The following NALF1 variants were observed in gnomAD, a reference collection of about 807,000 sequenced individuals.
NALF1 encodes family with sequence similarity 155 member A.
Under a neutral mutation model 48.4 loss-of-function variants are expected in NALF1, and 3 were observed. The ratio of observed to expected loss-of-function variants is 0.06; its 90% CI spans 0.03 to 0.16. The LOEUF (loss-of-function observed/expected upper bound fraction) is 0.16, where lower values mean the gene tolerates loss of function less well. Ranked by LOEUF, NALF1 falls within the 10% of genes least tolerant of loss-of-function variation. The pLI, the probability that NALF1 is intolerant of heterozygous loss-of-function variation, is 1.00. For missense variants in NALF1, 526 were observed against 571.5 expected (o/e 0.92, Z 0.81); for synonymous variants, 262 against 245.7 (o/e 1.07, Z -0.62).
chr13:107,807,263 A>C (rs1440905770), intron 1 of NALF1, among the ~76,000 whole-genome samples: 1 of 152,212 alleles, frequency 6.6e-6, no homozygotes, highest in Non-Finnish European at 1.5e-5. Context: ...TGCACAACTA[A>C]ATACCAACTA....
chr13:107,234,093 A>G (rs1182933870), intron 1 of NALF1, among the ~76,000 whole-genome samples: 3 of 152,210 alleles, frequency 2.0e-5, no homozygotes, highest in Non-Finnish European at 4.4e-5. Context: ...TTCGAATGAG[A>G]AATTAAATAC....
chr13:107,201,519 G>A (rs1295608470), intron 2 of NALF1, among the ~76,000 whole-genome samples: 2 of 152,142 alleles, frequency 1.3e-5, no homozygotes, highest in Non-Finnish European at 2.9e-5. Context: ...GGAGCTTCCA[G>A]TGAGTCGAGA....
chr13:107,555,315 C>A (rs1357988682), intron 1 of NALF1, among the ~76,000 whole-genome samples: 1 of 151,648 alleles, frequency 6.6e-6, no homozygotes, highest in African/African-American at 2.4e-5. Context: ...TCTTGTTGCC[C>A]AGGCTGGACT....
At chr13:107,212,383 A>G (rs1278700092) in intron 1 of NALF1, among the ~76,000 whole-genome samples, 1 of 152,242 alleles carries the variant, frequency 6.6e-6, no homozygotes, top group Non-Finnish European at 1.5e-5. Flanking sequence ...GTCTTCTCGT[A>G]ACAGTGTACA....
At chr13:107,230,605 A>G (rs987713129) in intron 1 of NALF1, among the ~76,000 whole-genome samples, 2 of 152,188 alleles carry the variant, frequency 1.3e-5, no homozygotes, top group African/African-American at 4.8e-5. Flanking sequence ...ATAAAAATTT[A>G]TTACTTGCCT....
At chr13:107,334,200 T>C (rs571851543) in intron 1 of NALF1, among the ~76,000 whole-genome samples, 3 of 152,208 alleles carry the variant, frequency 2.0e-5, no homozygotes, top group Non-Finnish European at 4.4e-5. Flanking sequence ...GTAGTAATAG[T>C]CTAAAGATTT....
chr13:107,815,935 C>G (rs1289816317), intron 1 of NALF1, among the ~76,000 whole-genome samples: 1 of 152,120 alleles, frequency 6.6e-6, no homozygotes, highest in Non-Finnish European at 1.5e-5. Context: ...AGGCAAGTCT[C>G]TAGAAACAGA....
Position 107,347,823 on chromosome 13 carries a change from C to T in NALF1, c.916-137068G>A, listed in dbSNP as rs146917410. Among the ~76,000 whole-genome samples, 103 of 152,264 alleles carry T rather than the reference C, an allele frequency of 6.8e-4. 2 individuals carry two copies. In the South Asian group the frequency reaches 0.013, roughly 19 times the overall value. On this transcript the variant is annotated intron_variant, in intron 1 of 2. Coordinates refer to ENST00000375915, the MANE Select transcript of NALF1 (RefSeq NM_001080396.3). ...ACAATGTCCACTGAGCATGTGATGACGATAAGAGTTAATTATTGGTTGTGC... is the reference window on the plus strand; with the variant it reads ...ACAATGTCCACTGAGCATGTGATGATGATAAGAGTTAATTATTGGTTGTGC...
chr13:107,709,446 G>A (rs879933680), intron 1 of NALF1, among the ~76,000 whole-genome samples: 3 of 152,124 alleles, frequency 2.0e-5, no homozygotes, highest in Non-Finnish European at 4.4e-5. Flanking sequence ...CAGGCCTTCA[G>A]ATCAAACTTA....
chr13:107,686,943 T>C (rs993932458), intron 1 of NALF1, among the ~76,000 whole-genome samples: 2 of 152,216 alleles, frequency 1.3e-5, no homozygotes. Context: ...GCAATTCCAC[T>C]ACTGGGTATC....
intron 1 of NALF1, among the ~76,000 whole-genome samples, chr13:107,552,166 G>C (rs1457749056): frequency 6.6e-6 from 1 of 152,100 alleles, no homozygotes; most frequent in African/African-American, 2.4e-5. Context: ...TTCTGAGATA[G>C]ACATATTCCC....
intron 1 of NALF1, among the ~76,000 whole-genome samples, chr13:107,569,176 G>A (rs1877904844): frequency 2.0e-5 from 3 of 152,092 alleles, no homozygotes; most frequent in Admixed American, 6.6e-5. Context: ...TTTATTAAAA[G>A]TGCTACCCCA....
At chr13:107,355,970 T>C (rs1882956570) in intron 1 of NALF1, among the ~76,000 whole-genome samples, 1 of 152,156 alleles carries the variant, frequency 6.6e-6, no homozygotes, top group African/African-American at 2.4e-5. Context: ...CCCTAAAAAA[T>C]TCAAAAGAAA....
chr13:107,569,154 G>A (rs576931581), intron 1 of NALF1, among the ~76,000 whole-genome samples: 10 of 152,200 alleles, frequency 6.6e-5, no homozygotes, highest in Admixed American at 4.6e-4. Context: ...ATATCTAATT[G>A]CTCCATAACC....
intron 1 of NALF1, among the ~76,000 whole-genome samples, chr13:107,816,484 G>A (rs989668719): frequency 6.6e-6 from 1 of 152,066 alleles, no homozygotes; most frequent in African/African-American, 2.4e-5. Flanking sequence ...AAGATCTCGT[G>A]AGACTTATTC....
In NALF1 at chr13:107,774,701, G is replaced by T. The variant is rs141971407; in HGVS notation, c.915+90981C>A. 1.2e-3 allele frequency among the ~76,000 whole-genome samples: 189 copies of T among 152,248 alleles called. 1 individual carries two copies. Among genetic ancestry groups the T allele is most frequent in the African/African-American group, 4.2e-3 (174 of 41,552 alleles). ...ATTATATGCAAAGCTTCAGTGCTAG[G>T]TAGTGGGGATGGAAAGTGGAGAAAA... On this transcript the variant is annotated intron_variant, in intron 1 of 2. Transcript: ENST00000375915.
chr13:107,411,306 T>TG (rs1477059730), intron 1 of NALF1, among the ~76,000 whole-genome samples: 1 of 138,018 alleles, frequency 7.2e-6, no homozygotes, highest in Non-Finnish European at 1.6e-5. Context: ...ATCTTGTTTT[T>TG]TTTTTTTTTT....
chr13:107,718,746 G>A (rs1336926593), intron 1 of NALF1, among the ~76,000 whole-genome samples: 1 of 152,056 alleles, frequency 6.6e-6, no homozygotes, highest in East Asian at 1.9e-4. Context: ...TCTGAACCAG[G>A]CCCTGCGCTT....
intron 1 of NALF1, among the ~76,000 whole-genome samples, chr13:107,817,380 T>TA (rs1879199453): frequency 1.3e-5 from 2 of 152,192 alleles, no homozygotes; most frequent in African/African-American, 4.8e-5. Context: ...TTGGTAGACT[T>TA]AAGCAGAGAT....
Sources: allele counts gnomAD v4.1 joint callset (sites outside exome capture counted in the v4.1 genomes callset), GRCh38; gene constraint gnomAD v4.1.1; transcripts MANE v1.5; gene names NCBI Gene and HGNC (gene_info 2026-07-23, HGNC 2026-07-21).